Variants in EFCAB6 observed in about 807,000 individuals in gnomAD.
EFCAB6 encodes the protein EF-hand calcium binding domain 6.
A neutral mutation model predicts 169.8 loss-of-function variants in EFCAB6; 156 were observed. The ratio of observed to expected loss-of-function variants is 0.92; its 90% confidence interval spans 0.81 to 1.05. EFCAB6 has a LOEUF of 1.05. Ranked by LOEUF, EFCAB6 falls within the 50% of genes least tolerant of loss-of-function variation. EFCAB6 has a pLI of 0.00. For missense variants in EFCAB6, 1,800 were observed against 1,829.1 expected, an observed-to-expected ratio of 0.98 and a Z score of 0.29; for synonymous variants, 698 against 676.4, an observed-to-expected ratio of 1.03 and a Z score of -0.50.
At position 43,586,340 on chromosome 22, in the gene EFCAB6, A is replaced by ATTTTTTTTTTTTTTTTT. The variant is rs36058832; in HGVS notation, c.3032+3717_3032+3733dup. Among the ~76,000 whole-genome samples the ATTTTTTTTTTTTTTTTT allele has an allele frequency of 3.5e-3, 258 of 72,910 alleles. 26 individuals are homozygous for ATTTTTTTTTTTTTTTTT. The highest frequency in any genetic ancestry group is 4.3e-3 in the Non-Finnish European group (175 of 41,160). 47.8% of individuals were successfully genotyped at this position (72,910 alleles called of 152,430 possible). On this transcript the variant is annotated intron_variant, in intron 24 of 31. Transcript: ENST00000262726. ...ACTGTAAACTCTTGAGCAACAACTG[A>ATTTTTTTTTTTTTTTTT]TTTTTTTTTTTTTTTTTTTTTTTTT...
In EFCAB6 at chr22:43,780,016, G is replaced by A. The variant is rs193189898; in HGVS notation, c.139+2164C>T. ...AAAAAAAGTTAACCTTACTATTGAG[G>A]AAATGCATATTAAATTCACAATGGA... On this transcript the variant is annotated intron_variant, in intron 3 of 31. Transcript: ENST00000262726. Among the ~76,000 whole-genome samples, 11 of 152,270 alleles carry A rather than the reference G, an allele frequency of 7.2e-5. No homozygotes were observed. In the East Asian group the frequency reaches 2.1e-3, roughly 29 times the overall value.
At chr22:43,544,726 C>A (rs2047944503) in intron 27 of EFCAB6, among the ~76,000 whole-genome samples, 1 of 151,984 alleles carries the variant, frequency 6.6e-6, no homozygotes, top group Non-Finnish European at 1.5e-5. Flanking sequence ...AAAAAAAAAA[C>A]CTCTTTCTGC....
intron 17 of EFCAB6, among the ~76,000 whole-genome samples, chr22:43,642,480 G>A (rs1184933805): frequency 6.6e-6 from 1 of 151,144 alleles, no homozygotes; most frequent in Non-Finnish European, 1.5e-5. Context: ...TCATCTTCCA[G>A]CTCCTCCCCC....
intron 13 of EFCAB6, among the ~76,000 whole-genome samples, chr22:43,675,867 G>A (rs1162206382): frequency 1.3e-5 from 2 of 150,800 alleles, no homozygotes; most frequent in Non-Finnish European, 3.0e-5. Context: ...CACATGTTTT[G>A]GGCCAGTATT....
At chr22:43,580,787 C>T (rs563360081) in intron 24 of EFCAB6, 128 bp from the exon 25 acceptor site, 45 of 979,204 alleles carry the variant, frequency 4.6e-5, no homozygotes, top group African/African-American at 1.6e-4. Context: ...CCATTCCCTT[C>T]GCTGTACGTG....
chr22:43,584,585 C>T (rs1377914880), intron 24 of EFCAB6, among the ~76,000 whole-genome samples: 10 of 152,046 alleles, frequency 6.6e-5, no homozygotes, highest in Non-Finnish European at 1.3e-4. Flanking sequence ...TTCTCTATAA[C>T]AACTTTCCAA....
intron 20 of EFCAB6, among the ~76,000 whole-genome samples, chr22:43,621,374 T>C (rs2054103325): frequency 6.6e-6 from 1 of 152,126 alleles, no homozygotes; most frequent in Admixed American, 6.5e-5. Flanking sequence ...AGTGCTGGGA[T>C]TACAGGCATG....
At chr22:43,631,140 C>T (rs907392506) in intron 19 of EFCAB6, among the ~76,000 whole-genome samples, 4 of 151,742 alleles carry the variant, frequency 2.6e-5, no homozygotes, top group Non-Finnish European at 5.9e-5. Context: ...GTCTCTCGCC[C>T]GTCCCTTCCC....
chr22:43,571,247 T>A (rs566681590), intron 26 of EFCAB6, among the ~76,000 whole-genome samples: 4 of 152,220 alleles, frequency 2.6e-5, no homozygotes, highest in Non-Finnish European at 4.4e-5. Flanking sequence ...TTCAGTTTAC[T>A]CAAGGTCTTA....
Position 43,540,718 on chromosome 22 carries a change from T to TCA in EFCAB6, c.3649-363_3649-362dup, listed in dbSNP as rs540076285. Among the ~76,000 whole-genome samples, 98 of 152,218 alleles carry TCA rather than the reference T, an allele frequency of 6.4e-4. No homozygotes were observed. The East Asian group carries it at 0.017, about 27-fold the overall frequency. On this transcript the variant is annotated intron_variant, in intron 27 of 31. Coordinates refer to ENST00000262726, the MANE Select transcript of EFCAB6 (RefSeq NM_022785.4). ...TGCAAATCAGAGCCCCCACCCACCT[T>TCA]CATCCCAGGGAAGCCCAGTCAGACT...
chr22:43,711,698 A>G, intron 9 of EFCAB6, 75 bp from the exon 10 acceptor site: 1 of 1,521,786 alleles, frequency 6.6e-7, no homozygotes, highest in Non-Finnish European at 8.7e-7. Flanking sequence ...TTTTATTTTT[A>G]CCAAAAACCT....
At chr22:43,565,758 G>GA (rs3215528) in intron 26 of EFCAB6, among the ~76,000 whole-genome samples, 20 of 142,326 alleles carry the variant, frequency 1.4e-4, no homozygotes, top group African/African-American at 2.1e-4. Context: ...CCTTACAGGA[G>GA]AAAAAAAAAA....
In EFCAB6 at chr22:43,784,542, TGTATATGTATATATACAC is replaced by T. The variant is rs1404094016; in HGVS notation, c.-7-2235_-7-2218del. Among the ~76,000 whole-genome samples, 16 of 110,538 alleles carry T rather than the reference TGTATATGTATATATACAC, an allele frequency of 1.4e-4. No individual in the cohort carries two copies. The East Asian group carries it at 1.7e-3, about 11-fold the overall frequency. The allele number at this position is 110,538 out of a possible 152,430, so 72.5% of individuals were successfully genotyped here. ...GTGTGTGTGTGTGTGTGTGTGTGTG[TGTATATGTATATATACAC>T]ATATATATGTGTACATATACACATA... On this transcript the variant is annotated intron_variant, in intron 2 of 31. Transcript: ENST00000262726.
intron 20 of EFCAB6, among the ~76,000 whole-genome samples, chr22:43,618,909 TC>T (rs1256443102): frequency 4.9e-5 from 1 of 20,212 alleles, no homozygotes; most frequent in East Asian, 6.8e-3. Flanking sequence ...TTTCTCTCTC[TC>T]TTTTTTTTTT....
At chr22:43,696,838 T>C (rs770056348) in intron 10 of EFCAB6, among the ~76,000 whole-genome samples, 1 of 152,166 alleles carries the variant, frequency 6.6e-6, no homozygotes, top group Non-Finnish European at 1.5e-5. Flanking sequence ...TGTAAAATTA[T>C]AGGGCTATGA....
chr22:43,575,314 CTG>C, intron 26 of EFCAB6, among the ~76,000 whole-genome samples: 1 of 150,988 alleles, frequency 6.6e-6, no homozygotes, highest in Non-Finnish European at 1.5e-5. Flanking sequence ...CCTCAGCCTC[CTG>C]AGTAGCTGGG....
chr22:43,530,844 CT>C lies in EFCAB6; in HGVS notation c.4353del (p.Leu1453CysfsTer2), dbSNP rs1276817507. The C allele has an allele frequency of 1.2e-6, 2 of 1,613,974 alleles. No individual in the cohort carries two copies. The highest frequency in any genetic ancestry group is 1.7e-6 in the Non-Finnish European group (2 of 1,180,060). On this transcript the variant is annotated frameshift_variant, in exon 31 of 32. Transcript: ENST00000262726. LOFTEE classifies it high-confidence loss of function. ...CTGAAATCTGCGACGCTTAGCAGCC[CT>C]GTTCCAGCCTCATCATAGCTTTTGA... ...RTFKSYDEAG[T>X]GLLSVADFRT...
chr22:43,650,127 G>C (rs1269672897), intron 17 of EFCAB6, among the ~76,000 whole-genome samples: 3 of 152,144 alleles, frequency 2.0e-5, no homozygotes, highest in Non-Finnish European at 4.4e-5. Context: ...AGGAAATAAG[G>C]ACTGGAGTTC....
At chr22:43,800,914 C>A (rs988017135) in intron 2 of EFCAB6, among the ~76,000 whole-genome samples, 1 of 152,026 alleles carries the variant, frequency 6.6e-6, no homozygotes, top group Non-Finnish European at 1.5e-5. Flanking sequence ...GGGTACAAAG[C>A]TTATTCAAAT....
Sources: gnomAD v4.1 joint callset for allele counts (sites outside exome capture counted in the v4.1 genomes callset) on GRCh38, gnomAD v4.1.1 for gene constraint, MANE v1.5 for transcripts, NCBI Gene and HGNC (gene_info 2026-07-23, HGNC 2026-07-21) for gene names.